Variants in KDM6A observed in about 807,000 individuals in gnomAD.
The protein encoded by KDM6A is lysine-specific demethylase 6A.
Under a neutral mutation model 117.6 loss-of-function variants are expected in KDM6A, and 11 were observed. The observed-to-expected ratio is 0.09, with a 90% CI of 0.06 to 0.15. The LOEUF (loss-of-function observed/expected upper bound fraction) is 0.15, where lower values mean the gene tolerates loss of function less well. KDM6A is among the 10% of genes least tolerant of loss of function. The pLI is 1.00. For missense variants in KDM6A, 799 were observed against 1,077.3 expected (o/e 0.74, Z 3.62); for synonymous variants, 384 against 396.1 (o/e 0.97, Z 0.36).
At chrX:45,083,742 C>G in intron 24 of KDM6A, 134 bp downstream of exon 24, 1 of 554,524 alleles carries the variant, frequency 1.8e-6, no homozygotes, top group Non-Finnish European at 2.9e-6. Flanking sequence ...GACTTTTTAA[C>G]TGGGCTCAGA....
chrX:44,970,891 G>A (rs2039306463), intron 3 of KDM6A, among the ~76,000 whole-genome samples: 1 of 111,484 alleles, frequency 9.0e-6, no homozygotes, highest in Non-Finnish European at 1.9e-5. Flanking sequence ...GTGGCAGTTG[G>A]TAATATATGC....
intron 4 of KDM6A, among the ~76,000 whole-genome samples, chrX:44,996,340 G>A (rs1263206201): frequency 1.8e-5 from 2 of 109,903 alleles, no homozygotes; most frequent in Non-Finnish European, 3.8e-5. Flanking sequence ...CTCCCAAAGC[G>A]GTGGGATTAC....
At chrX:44,920,252 A>C (rs1039017460) in intron 2 of KDM6A, among the ~76,000 whole-genome samples, 2 of 110,939 alleles carry the variant, frequency 1.8e-5, no homozygotes, top group East Asian at 5.6e-4. Context: ...ATGTATTTTC[A>C]AACTCATTTA....
chrX:44,971,099 G>A (rs181073084), intron 3 of KDM6A, among the ~76,000 whole-genome samples: 70 of 111,297 alleles, frequency 6.3e-4, no homozygotes, highest in African/African-American at 2.2e-3. Flanking sequence ...GAGAAAATCA[G>A]CCACACCATT....
At chrX:45,096,795 C>T (rs1358722395) in intron 27 of KDM6A, among the ~76,000 whole-genome samples, 2 of 111,685 alleles carry the variant, frequency 1.8e-5, no homozygotes, top group East Asian at 5.6e-4. Flanking sequence ...TTGTGGAAAG[C>T]AGTGCAGTGA....
In KDM6A at chrX:44,873,247, C is replaced by A; in HGVS notation, c.-305C>A. 3.0e-6 allele frequency: 1 copy of A among 333,282 alleles called. No homozygotes were observed. The highest frequency in any genetic ancestry group is 6.1e-5 in the South Asian group (1 of 16,412). 27.5% of individuals were successfully genotyped at this position (333,282 alleles called of 1,213,427 possible). A position where few individuals can be genotyped will look rare whatever the true frequency, so the allele number is the denominator to read the frequency against. The stretch of plus-strand genomic sequence containing the variant: ...GTCTCCAACGAATCCCCTCAGTGCT[C>A]CCCAGCCCCGCGCGCTCCGGCCGTT... On this transcript the variant is annotated 5_prime_UTR_variant, in exon 1 of 30. Transcript: ENST00000611820.
At chrX:44,895,016 C>A (rs12011135) in intron 2 of KDM6A, among the ~76,000 whole-genome samples, 1,332 of 110,980 alleles carry the variant, frequency 0.012, 26 homozygotes, top group African/African-American at 0.041. Flanking sequence ...ATCCACCCAC[C>A]TTGGCTTCCC....
intron 2 of KDM6A, among the ~76,000 whole-genome samples, chrX:44,895,236 G>T (rs1487375691): frequency 1.8e-5 from 2 of 108,612 alleles, no homozygotes; most frequent in Non-Finnish European, 3.8e-5. Context: ...CTCCCAAGTA[G>T]CTGGGACTAC....
At chrX:45,108,181 G>A (rs769401649) in intron 28 of KDM6A, among the ~76,000 whole-genome samples, 2 of 111,389 alleles carry the variant, frequency 1.8e-5, no homozygotes, top group South Asian at 7.6e-4. Context: ...AAAAGAGTAT[G>A]ATATCAAGTA....
intron 2 of KDM6A, among the ~76,000 whole-genome samples, chrX:44,932,580 A>C (rs1403389261): frequency 9.0e-6 from 1 of 111,645 alleles, no homozygotes; most frequent in East Asian, 2.8e-4. Context: ...TTTCTTTGAC[A>C]TACCAAGGTC....
At chrX:44,903,658 A>G (rs899320704) in intron 2 of KDM6A, among the ~76,000 whole-genome samples, 1 of 110,839 alleles carries the variant, frequency 9.0e-6, no homozygotes, top group Admixed American at 9.6e-5. Context: ...AGATAATCCC[A>G]GTTACCTCTC....
chrX:45,002,414 A>G (rs2041185934), intron 4 of KDM6A, among the ~76,000 whole-genome samples: 1 of 112,358 alleles, frequency 8.9e-6, no homozygotes, highest in African/African-American at 3.2e-5. Flanking sequence ...TCCAGTTCAC[A>G]GAAAGACTGG....
chrX:44,874,090 A>G (rs2031191907), intron 2 of KDM6A, 103 bp downstream of exon 2: 9 of 757,213 alleles, frequency 1.2e-5, no homozygotes, highest in Non-Finnish European at 1.6e-5. Context: ...GCCACGGACG[A>G]TGGTCGAGGG....
chrX:45,020,309 C>G (rs1171777981), intron 5 of KDM6A, among the ~76,000 whole-genome samples: 1 of 111,387 alleles, frequency 9.0e-6, no homozygotes, highest in Non-Finnish European at 1.9e-5. Flanking sequence ...ACAATGAAAT[C>G]AGTTATTTCT....
intron 5 of KDM6A, among the ~76,000 whole-genome samples, chrX:45,016,589 T>C (rs897153774): frequency 9.0e-6 from 1 of 111,303 alleles, no homozygotes; most frequent in African/African-American, 3.3e-5. Flanking sequence ...AACCTCTGCC[T>C]CCTGGATTCA....
chrX:45,104,024 C>CT (rs761228898), intron 27 of KDM6A, among the ~76,000 whole-genome samples: 1,800 of 94,541 alleles, frequency 0.019, 22 homozygotes, highest in Middle Eastern at 0.043. Flanking sequence ...AAATTGAATT[C>CT]TTTTTTTTTT....
chrX:45,062,080 T>TC (rs1263495134), intron 15 of KDM6A, among the ~76,000 whole-genome samples: 5 of 109,327 alleles, frequency 4.6e-5, no homozygotes, highest in Non-Finnish European at 9.5e-5. Flanking sequence ...CAAATATACA[T>TC]CCCCCCCTTT....
In KDM6A at chrX:45,082,360, GGAGGCAGAGGTTGCAGT is replaced by G. The variant is rs1444451102; in HGVS notation, c.3301-212_3301-196del. The G allele has an allele frequency of 8.7e-5, 35 of 402,391 alleles. No individual in the cohort carries two copies. In the East Asian group the frequency reaches 1.5e-3, roughly 17 times the overall value. The allele number at this position is 402,391 out of a possible 1,213,427, so 33.2% of individuals were successfully genotyped here. A position where few individuals can be genotyped will look rare whatever the true frequency, so the allele number is the denominator to read the frequency against. Reference sequence around the variant, plus strand: ...GAGGCAGGAGAATCGTTTGAGCCCAGGAGGCAGAGGTTGCAGTGAGCCGGGGTCGCACCACTGCACTC... The same window carrying G: ...GAGGCAGGAGAATCGTTTGAGCCCAGGAGCCGGGGTCGCACCACTGCACTC... On this transcript the variant is annotated intron_variant, in intron 21 of 29. Coordinates refer to ENST00000611820, the MANE Select transcript of KDM6A (RefSeq NM_001291415.2).
At chrX:45,109,126 A>AAAT (rs1211843239) in intron 28 of KDM6A, among the ~76,000 whole-genome samples, 24 of 104,156 alleles carry the variant, frequency 2.3e-4, no homozygotes, top group African/African-American at 6.6e-4. Flanking sequence ...TAATTTAAAA[A>AAAT]AATAATAATA....
Sources: allele counts gnomAD v4.1 joint callset (sites outside exome capture counted in the v4.1 genomes callset), GRCh38; gene constraint gnomAD v4.1.1; transcripts MANE v1.5; gene names NCBI Gene and HGNC (gene_info 2026-07-23, HGNC 2026-07-21).